The following DCDC1 variants were observed in gnomAD, a reference collection of about 807,000 sequenced individuals.
DCDC1 encodes the protein doublecortin domain containing 1, also known as doublecortin domain-containing protein 1.
Under a neutral mutation model 178.3 loss-of-function variants are expected in DCDC1, and 200 were observed. That is an observed-to-expected ratio of 1.12 (90% CI 1.00 to 1.26). DCDC1 has a LOEUF of 1.26. DCDC1 is among the 50% of genes most tolerant of loss of function. The probability of loss-of-function intolerance (pLI) is 0.00; values close to 1 mark genes in which losing one functional copy is unlikely to be tolerated. For missense variants in DCDC1, 1,983 were observed against 1,749.2 expected (o/e 1.13, Z -2.38); for synonymous variants, 690 against 604.8 (o/e 1.14, Z -2.07).
At chr11:30,869,869 C>T (rs1362307342) in intron 38 of DCDC1, among the ~76,000 whole-genome samples, 3 of 151,984 alleles carry the variant, frequency 2.0e-5, no homozygotes, top group Non-Finnish European at 4.4e-5. Context: ...CAACAGAGGG[C>T]CACTTAAGCT....
chr11:31,086,846 C>G (rs575825339), intron 17 of DCDC1, among the ~76,000 whole-genome samples: 1 of 152,170 alleles, frequency 6.6e-6, no homozygotes, highest in South Asian at 2.1e-4. Flanking sequence ...ATGAGAGATA[C>G]TGGTCTATGA....
At chr11:31,090,566 A>G (rs1014544439) in intron 17 of DCDC1, among the ~76,000 whole-genome samples, 1 of 152,184 alleles carries the variant, frequency 6.6e-6, no homozygotes, top group Non-Finnish European at 1.5e-5. Context: ...TTGTTGTTAG[A>G]GTAAGCAGTG....
intron 20 of DCDC1, among the ~76,000 whole-genome samples, chr11:31,029,027 T>A (rs960688796): frequency 2.0e-5 from 3 of 152,046 alleles, no homozygotes; most frequent in Non-Finnish European, 4.4e-5. Context: ...ACGATGACAA[T>A]GTTGAACATG....
At chr11:30,973,261 G>C (rs1432620891) in intron 20 of DCDC1, among the ~76,000 whole-genome samples, 1 of 133,726 alleles carries the variant, frequency 7.5e-6, no homozygotes, top group African/African-American at 2.9e-5. Context: ...GTGACAGAGT[G>C]AGACTCCATC....
Position 31,131,050 on chromosome 11 carries a change from C to T in DCDC1, c.1315-3411G>A, listed in dbSNP as rs573522223. Among the ~76,000 whole-genome samples the T allele has an allele frequency of 2.4e-4, 20 of 82,290 alleles. 7 individuals carry two copies. Among genetic ancestry groups the T allele is most frequent in the African/African-American group, 7.0e-4 (17 of 24,182 alleles). The allele number at this position is 82,290 out of a possible 152,430, so 54.0% of individuals were successfully genotyped here. A position where few individuals can be genotyped will look rare whatever the true frequency, so the allele number is the denominator to read the frequency against. ...ACAAAAAATTAGCCGGGCGCGGTGG[C>T]GGGCGCCTGTAGTCCCAGCTACTCG... is the stretch of plus-strand genomic sequence containing the variant. On this transcript the variant is annotated intron_variant, in intron 10 of 38. Coordinates refer to ENST00000684477, the MANE Select transcript of DCDC1 (RefSeq NM_001387274.1).
At chr11:31,106,045 A>C (rs1233600647) in intron 13 of DCDC1, among the ~76,000 whole-genome samples, 2 of 152,284 alleles carry the variant, frequency 1.3e-5, no homozygotes, top group Admixed American at 1.3e-4. Context: ...AATATGCATA[A>C]ATTTCCTAGA....
chr11:31,274,262 G>A (rs539127543), intron 7 of DCDC1, among the ~76,000 whole-genome samples: 4 of 151,954 alleles, frequency 2.6e-5, no homozygotes, highest in Non-Finnish European at 4.4e-5. Flanking sequence ...TTTACATACC[G>A]ACAACTCCCA....
Position 31,250,385 on chromosome 11 carries a change from T to TACACACACAC in DCDC1, c.1055-8779_1055-8770dup, listed in dbSNP as rs10640581. On this transcript the variant is annotated intron_variant, in intron 8 of 38. Transcript: ENST00000684477. ...TATGAAAGGAATCAGAGTGAATGAA[T>TACACACACAC]ACACACACACACACACACACACACA... Among the ~76,000 whole-genome samples the TACACACACAC allele has an allele frequency of 1.3e-3, 118 of 92,662 alleles. 1 individual carries two copies. The highest frequency in any genetic ancestry group is 4.8e-3 in the East Asian group (6 of 1,244). 60.8% of individuals were successfully genotyped at this position (92,662 alleles called of 152,430 possible).
intron 17 of DCDC1, among the ~76,000 whole-genome samples, chr11:31,078,924 T>C (rs1405464257): frequency 6.6e-6 from 1 of 151,934 alleles, no homozygotes; most frequent in Non-Finnish European, 1.5e-5. Flanking sequence ...GGAAACCATG[T>C]ACTAGAATAA....
chr11:31,175,675 C>T (rs1967918268), intron 9 of DCDC1, among the ~76,000 whole-genome samples: 1 of 152,228 alleles, frequency 6.6e-6, no homozygotes, highest in Admixed American at 6.5e-5. Flanking sequence ...ATCCTATCAA[C>T]CTCCATGCCC....
At chr11:31,277,926 T>C (rs1208431834) in intron 7 of DCDC1, among the ~76,000 whole-genome samples, 2 of 152,148 alleles carry the variant, frequency 1.3e-5, no homozygotes, top group Admixed American at 6.5e-5. Context: ...AGACAAAGTA[T>C]AATCATTTTT....
At chr11:30,871,680 T>C (rs560200916) in intron 38 of DCDC1, among the ~76,000 whole-genome samples, 104 of 152,222 alleles carry the variant, frequency 6.8e-4, no homozygotes, top group African/African-American at 2.5e-3. Flanking sequence ...TTATCAGCAC[T>C]GAAGGTAGTT....
chr11:31,306,349 C>A lies in DCDC1; in HGVS notation c.474G>T (p.Arg158=), dbSNP rs747601104. The A allele has an allele frequency of 4.7e-5, 75 of 1,608,474 alleles. No individual in the cohort carries two copies. The highest frequency in any genetic ancestry group is 6.0e-5 in the Non-Finnish European group (71 of 1,177,512). ...GTCTTTGAGACAATTTCTGCCAATT[C>A]CGGGCTGACTGAAATTTTAAAGAAG... ...EFSSLKFQSA[R]NWQKLSQRHK... Residue 158 remains arginine (R), a synonymous_variant, in exon 5 of 39, where the codon CGG becomes CGT. Transcript: ENST00000684477.
intron 7 of DCDC1, among the ~76,000 whole-genome samples, chr11:31,269,821 G>A (rs1451457709): frequency 1.3e-5 from 2 of 152,134 alleles, no homozygotes; most frequent in African/African-American, 2.4e-5. Context: ...TAATCTACTT[G>A]TTTACAGATC....
chr11:31,216,063 T>C (rs1020830173), intron 9 of DCDC1, among the ~76,000 whole-genome samples: 1 of 152,064 alleles, frequency 6.6e-6, no homozygotes, highest in Non-Finnish European at 1.5e-5. Flanking sequence ...GCTTCACTAA[T>C]GCAATGAGAT....
chr11:31,062,288 G>A (rs987584377), intron 20 of DCDC1, among the ~76,000 whole-genome samples: 3 of 152,076 alleles, frequency 2.0e-5, no homozygotes, highest in Non-Finnish European at 1.5e-5. Context: ...AATAAGCCTA[G>A]AGAGGCCAGA....
At chr11:30,891,741 T>A (rs1169549850) in intron 36 of DCDC1, among the ~76,000 whole-genome samples, 1 of 152,240 alleles carries the variant, frequency 6.6e-6, no homozygotes, top group East Asian at 1.9e-4. Flanking sequence ...GTATTCCTAA[T>A]TTGGGGTATA....
At chr11:31,121,568 C>G (rs557616646) in intron 11 of DCDC1, among the ~76,000 whole-genome samples, 1 of 151,072 alleles carries the variant, frequency 6.6e-6, no homozygotes, top group African/African-American at 2.4e-5. Context: ...CTGTTGTTCA[C>G]TGATCAATGC....
chr11:31,287,519 GA>G (rs1030534996), intron 7 of DCDC1, among the ~76,000 whole-genome samples: 1 of 151,568 alleles, frequency 6.6e-6, no homozygotes, highest in African/African-American at 2.4e-5. Flanking sequence ...AGCACATCTT[GA>G]AAAAAAATTT....
Sources: allele counts gnomAD v4.1 joint callset (sites outside exome capture counted in the v4.1 genomes callset), GRCh38; gene constraint gnomAD v4.1.1; transcripts MANE v1.5; gene names NCBI Gene and HGNC (gene_info 2026-07-23, HGNC 2026-07-21).